Variants in SUGCT observed in about 807,000 individuals in gnomAD.
SUGCT encodes succinyl-CoA:glutarate-CoA transferase, also known as succinyl-CoA:glutarate CoA-transferase.
A neutral mutation model predicts 55.0 loss-of-function variants in SUGCT; 41 were observed. The observed-to-expected ratio is 0.74, with a 90% CI of 0.58 to 0.97. The LOEUF (loss-of-function observed/expected upper bound fraction) is 0.97. Among genes scored for constraint, SUGCT ranks in the 50% least tolerant of loss-of-function variants. The pLI is 0.00. For synonymous variants in SUGCT, 187 were observed against 200.4 expected (o/e 0.93, Z 0.56); for missense variants, 568 against 547.8 (o/e 1.04, Z -0.37).
At chr7:40,790,140 C>T (rs562623821) in intron 13 of SUGCT, among the ~76,000 whole-genome samples, 3 of 152,254 alleles carry the variant, frequency 2.0e-5, no homozygotes, top group South Asian at 4.1e-4. Flanking sequence ...ATCGTAGTTC[C>T]CATAATCCCC....
chr7:40,192,547 A>C (rs900148272), intron 5 of SUGCT, among the ~76,000 whole-genome samples: 1 of 152,162 alleles, frequency 6.6e-6, no homozygotes, highest in Admixed American at 6.6e-5. Flanking sequence ...TGAAAGAATA[A>C]TGAACTCTCA....
At position 40,561,324 on chromosome 7, in the gene SUGCT, T is replaced by C. The variant is rs190606955; in HGVS notation, c.1089+64938T>C. 8.3e-4 allele frequency among the ~76,000 whole-genome samples: 127 copies of C among 152,342 alleles called. No individual in the cohort carries two copies. In the Middle Eastern group the frequency reaches 0.01, roughly 12 times the overall value. On this transcript the variant is annotated intron_variant, in intron 12 of 13. Transcript: ENST00000335693. ...GGAATGAGCAAATTCAGCTTCCTTT[T>C]CCTAAAATCTCCTTCAGTTCTCATA... is the stretch of plus-strand genomic sequence containing the variant.
chr7:40,564,771 G>A (rs969217004), intron 12 of SUGCT, among the ~76,000 whole-genome samples: 21 of 152,202 alleles, frequency 1.4e-4, no homozygotes, highest in African/African-American at 5.1e-4. Context: ...ACTGATAGAA[G>A]GAATCAGATC....
downstream of SUGCT, among the ~76,000 whole-genome samples, chr7:40,864,630 T>G (rs1431711787): frequency 6.6e-6 from 1 of 152,030 alleles, no homozygotes; most frequent in East Asian, 1.9e-4. Flanking sequence ...ATACTTGCAC[T>G]ACTACATTTA....
the SUGCT span, among the ~76,000 whole-genome samples, chr7:40,989,592 C>A: frequency 1.3e-5 from 2 of 150,584 alleles, no homozygotes; most frequent in African/African-American, 2.4e-5. Flanking sequence ...TATGGTGAAA[C>A]CCCCATCTCT....
intron 13 of SUGCT, among the ~76,000 whole-genome samples, chr7:40,807,060 C>G (rs1394360382): frequency 1.3e-5 from 2 of 152,100 alleles, no homozygotes; most frequent in Admixed American, 1.3e-4. Context: ...GTTCATTACT[C>G]AAAAGATGCT....
At position 40,222,570 on chromosome 7, in the gene SUGCT, A is replaced by G. The variant is rs896308375; in HGVS notation, c.485-15065A>G. On this transcript the variant is annotated intron_variant, in intron 6 of 13. Transcript: ENST00000335693. ...TTTCTCAAATCAAAATTAGTGGAAT[A>G]GACTGGGCGCGGTGTAATCCCAGCA... Among the ~76,000 whole-genome samples, 19 of 152,332 alleles carry G rather than the reference A, an allele frequency of 1.2e-4. No individual in the cohort carries two copies. The South Asian group carries it at 3.7e-3, about 30-fold the overall frequency.
chr7:40,977,149 G>A, the SUGCT span, among the ~76,000 whole-genome samples: 793 of 152,310 alleles, frequency 5.2e-3, 3 homozygotes, highest in Non-Finnish European at 7.2e-3. Context: ...ACACACAACC[G>A]CAGACAAATG....
At chr7:40,410,907 A>C (rs1434934964) in intron 9 of SUGCT, among the ~76,000 whole-genome samples, 1 of 152,186 alleles carries the variant, frequency 6.6e-6, no homozygotes, top group African/African-American at 2.4e-5. Context: ...AAAAAATATT[A>C]ATCAGGATTG....
At chr7:40,705,011 A>G (rs1785332081) in intron 12 of SUGCT, among the ~76,000 whole-genome samples, 1 of 152,062 alleles carries the variant, frequency 6.6e-6, no homozygotes, top group African/African-American at 2.4e-5. Context: ...AAATCTTAAT[A>G]TTTGCCTTTT....
At chr7:40,566,138 A>G (rs1189567892) in intron 12 of SUGCT, among the ~76,000 whole-genome samples, 2 of 152,114 alleles carry the variant, frequency 1.3e-5, no homozygotes, top group African/African-American at 4.8e-5. Flanking sequence ...AGTCTTCTTA[A>G]TCTTGAGTTC....
chr7:40,627,223 A>G (rs1799564734), intron 12 of SUGCT, among the ~76,000 whole-genome samples: 2 of 152,242 alleles, frequency 1.3e-5, no homozygotes, highest in South Asian at 4.1e-4. Flanking sequence ...GAATGAAGCA[A>G]CAAAAGCAGA....
intron 12 of SUGCT, among the ~76,000 whole-genome samples, chr7:40,648,525 TCTGGTA>T (rs1303363360): frequency 6.6e-6 from 1 of 152,212 alleles, no homozygotes; most frequent in African/African-American, 2.4e-5. Flanking sequence ...GGCACCTGTG[TCTGGTA>T]CCTGTGAATG....
the SUGCT span, among the ~76,000 whole-genome samples, chr7:40,957,681 T>A: frequency 6.6e-6 from 1 of 152,120 alleles, no homozygotes. Context: ...TTTGATCCTG[T>A]CATTATGTCA....
At chr7:40,958,747 G>T in the SUGCT span, among the ~76,000 whole-genome samples, 49,385 of 151,682 alleles carry the variant, frequency 0.33, 8,852 homozygotes, top group Admixed American at 0.44. Flanking sequence ...GAGGCATTCT[G>T]GTTTTTGGAA....
chr7:40,597,820 A>C (rs1390439822), intron 12 of SUGCT, among the ~76,000 whole-genome samples: 2 of 152,220 alleles, frequency 1.3e-5, no homozygotes, highest in African/African-American at 4.8e-5. Context: ...TTGTTGTTTT[A>C]AGCCACTGAG....
chr7:40,136,999 C>G (rs1787731730), intron 1 of SUGCT, among the ~76,000 whole-genome samples: 1 of 151,932 alleles, frequency 6.6e-6, no homozygotes, highest in Non-Finnish European at 1.5e-5. Flanking sequence ...TATCATGCCC[C>G]CCCACCCCAC....
chr7:40,340,699 G>A (rs929134583), intron 9 of SUGCT, among the ~76,000 whole-genome samples: 16 of 152,126 alleles, frequency 1.1e-4, no homozygotes, highest in African/African-American at 1.7e-4. Flanking sequence ...GAGCCAGTCC[G>A]GCTATAAAGG....
intron 8 of SUGCT, among the ~76,000 whole-genome samples, chr7:40,315,783 C>T (rs1391130458): frequency 2.6e-5 from 4 of 152,170 alleles, no homozygotes; most frequent in South Asian, 2.1e-4. Context: ...AAAAGCAAGC[C>T]GGTGCTATAT....
Sources: allele counts gnomAD v4.1 joint callset (sites outside exome capture counted in the v4.1 genomes callset), GRCh38; gene constraint gnomAD v4.1.1; transcripts MANE v1.5; gene names NCBI Gene and HGNC (gene_info 2026-07-23, HGNC 2026-07-21).